The following RGS7BP variants were observed in gnomAD, a reference collection of about 807,000 sequenced individuals.
RGS7BP encodes regulator of G protein signaling 7-binding protein.
A neutral mutation model predicts 31.3 loss-of-function variants in RGS7BP; 9 were observed. The observed-to-expected ratio is 0.29, with a 90% CI of 0.17 to 0.50. RGS7BP has a LOEUF of 0.50. Among genes scored for constraint, RGS7BP ranks in the 20% least tolerant of loss-of-function variants. The pLI is 0.98. For missense variants in RGS7BP, 274 were observed against 322.0 expected (o/e 0.85, Z 1.14); for synonymous variants, 115 against 120.1 (o/e 0.96, Z 0.28).
At chr5:64,600,847 G>A (rs1424708591) in intron 5 of RGS7BP, among the ~76,000 whole-genome samples, 1 of 152,206 alleles carries the variant, frequency 6.6e-6, no homozygotes, top group African/African-American at 2.4e-5. Flanking sequence ...GAAGGGGACT[G>A]TGTCTGAACT....
intron 2 of RGS7BP, among the ~76,000 whole-genome samples, chr5:64,530,476 G>A (rs796639212): frequency 6.8e-4 from 103 of 152,294 alleles, no homozygotes; most frequent in African/African-American, 2.3e-3. Context: ...TTATTCTTGT[G>A]TAATAGACGA....
intron 2 of RGS7BP, among the ~76,000 whole-genome samples, chr5:64,537,412 G>T (rs970276121): frequency 6.6e-6 from 1 of 152,162 alleles, no homozygotes; most frequent in African/African-American, 2.4e-5. Context: ...AAGACTGGTA[G>T]GTCAATGTAT....
intron 5 of RGS7BP, among the ~76,000 whole-genome samples, chr5:64,604,982 C>A (rs974136771): frequency 1.3e-5 from 2 of 152,050 alleles, no homozygotes; most frequent in African/African-American, 4.8e-5. Context: ...CCAGTCTGGG[C>A]AACGTAATGA....
At chr5:64,604,583 C>G (rs1272394336) in intron 5 of RGS7BP, among the ~76,000 whole-genome samples, 1 of 152,124 alleles carries the variant, frequency 6.6e-6, no homozygotes, top group East Asian at 1.9e-4. Flanking sequence ...GTAAGAAATG[C>G]TGATCCTCTG....
intron 4 of RGS7BP, among the ~76,000 whole-genome samples, chr5:64,597,004 T>TC (rs1743087273): frequency 6.6e-6 from 1 of 152,158 alleles, no homozygotes; most frequent in Non-Finnish European, 1.5e-5. Flanking sequence ...AAGATGATCT[T>TC]CCCCACAAAA....
chr5:64,556,124 C>T (rs1005372368), intron 2 of RGS7BP, among the ~76,000 whole-genome samples: 3 of 152,034 alleles, frequency 2.0e-5, no homozygotes, highest in Admixed American at 6.6e-5. Context: ...TTCCATCAAT[C>T]GGTACATTGC....
intron 4 of RGS7BP, among the ~76,000 whole-genome samples, chr5:64,596,861 T>A (rs935910561): frequency 2.6e-5 from 4 of 152,162 alleles, no homozygotes; most frequent in African/African-American, 9.7e-5. Flanking sequence ...AAGAAAACGA[T>A]CCTCAAACCG....
intron 2 of RGS7BP, among the ~76,000 whole-genome samples, chr5:64,525,164 G>A (rs143913805): frequency 3.5e-3 from 535 of 152,010 alleles, no homozygotes; most frequent in Middle Eastern, 0.01. Context: ...CCCTCCTCCG[G>A]GGATGAAATA....
At chr5:64,517,043 G>A (rs1462258967) in intron 2 of RGS7BP, among the ~76,000 whole-genome samples, 2 of 151,344 alleles carry the variant, frequency 1.3e-5, no homozygotes, top group African/African-American at 2.4e-5. Context: ...AAAGTCCTAG[G>A]TTGGGCAATT....
intron 2 of RGS7BP, among the ~76,000 whole-genome samples, chr5:64,527,207 G>A (rs77568808): frequency 0.014 from 2,152 of 152,318 alleles, 47 homozygotes; most frequent in African/African-American, 0.049. Flanking sequence ...AGCTCTCTGT[G>A]AAGTCTTGAT....
chr5:64,598,567 C>G, intron 5 of RGS7BP, 132 bp downstream of exon 5: 1 of 695,422 alleles, frequency 1.4e-6, no homozygotes, highest in South Asian at 1.7e-5. Flanking sequence ...AGTCTTTCCT[C>G]AAGAAGATAT....
chr5:64,529,029 A>C (rs897419435), intron 2 of RGS7BP, among the ~76,000 whole-genome samples: 2 of 152,136 alleles, frequency 1.3e-5, no homozygotes, highest in African/African-American at 4.8e-5. Flanking sequence ...TAACACTTTT[A>C]TTGTAATTCA....
intron 2 of RGS7BP, chr5:64,539,430 T>G (rs1407841524): frequency 6.6e-6 from 1 of 152,238 alleles, no homozygotes; most frequent in Non-Finnish European, 1.5e-5. Flanking sequence ...TGGTGTCTTA[T>G]TTAAGACCTC....
chr5:64,506,396 G>A lies in RGS7BP; in HGVS notation c.-229G>A. 1 of 399,176 alleles carries A rather than the reference G, an allele frequency of 2.5e-6. No individual in the cohort carries two copies. The highest frequency in any genetic ancestry group is 4.2e-5 in the Admixed American group (1 of 24,030). 24.7% of individuals were successfully genotyped at this position (399,176 alleles called of 1,614,324 possible). On this transcript the variant is annotated 5_prime_UTR_variant, in exon 1 of 6. Transcript: ENST00000334025. This position sits in a 1 kb window ranked among gnomAD's most constrained non-coding sequence, Gnocchi z 4.6. ...CAATGCTGCTGAGCAGAACTTGATC[G>A]CGCTCCTTCCTCGCTGCTAGTGGAA...
At chr5:64,587,754 G>A (rs1459455959) in intron 3 of RGS7BP, among the ~76,000 whole-genome samples, 1 of 152,216 alleles carries the variant, frequency 6.6e-6, no homozygotes, top group African/African-American at 2.4e-5. Context: ...AATAGGGGTT[G>A]TAAACAGGAA....
At chr5:64,535,830 C>A (rs953069204) in intron 2 of RGS7BP, among the ~76,000 whole-genome samples, 1 of 152,122 alleles carries the variant, frequency 6.6e-6, no homozygotes, top group African/African-American at 2.4e-5. Flanking sequence ...CAGTTATTGT[C>A]AAAGGAGCAG....
chr5:64,518,015 T>C (rs1258320100), intron 2 of RGS7BP, among the ~76,000 whole-genome samples: 1 of 152,000 alleles, frequency 6.6e-6, no homozygotes, highest in Non-Finnish European at 1.5e-5. Flanking sequence ...AGCTAGAAAA[T>C]GCAAGGAAGC....
At chr5:64,530,115 C>T (rs1049292776) in intron 2 of RGS7BP, among the ~76,000 whole-genome samples, 3 of 152,146 alleles carry the variant, frequency 2.0e-5, no homozygotes, top group Admixed American at 6.5e-5. Context: ...TGCATGCACC[C>T]GTCATTAGGA....
At chr5:64,511,142 A>G (rs1194511203) in intron 2 of RGS7BP, among the ~76,000 whole-genome samples, 1 of 152,250 alleles carries the variant, frequency 6.6e-6, no homozygotes, top group African/African-American at 2.4e-5. Flanking sequence ...ATCCCTGACC[A>G]ACTGAAACCC....
Sources: gnomAD v4.1 joint callset for allele counts (sites outside exome capture counted in the v4.1 genomes callset) on GRCh38, gnomAD v4.1.1 for gene constraint, Gnocchi (gnomAD v3.1) non-coding constraint, MANE v1.5 for transcripts, NCBI Gene and HGNC (gene_info 2026-07-23, HGNC 2026-07-21) for gene names.